The following FHIP1A variants were observed in gnomAD, a reference collection of about 807,000 sequenced individuals.
The protein encoded by FHIP1A is FHF complex subunit HOOK interacting protein 1A.
FHIP1A carries 61 observed loss-of-function variants against 88.6 expected under a neutral mutation model. The ratio of observed to expected loss-of-function variants is 0.69; its 90% CI spans 0.56 to 0.85. FHIP1A has a LOEUF of 0.85. Among genes scored for constraint, FHIP1A ranks in the 40% least tolerant of loss-of-function variants. FHIP1A has a pLI of 0.00. For missense variants in FHIP1A, 1,154 were observed against 1,273.5 expected (o/e 0.91, Z 1.43); for synonymous variants, 478 against 496.0 (o/e 0.96, Z 0.48).
At chr4:151,460,932 G>T (rs1729125027) in intron 2 of FHIP1A, among the ~76,000 whole-genome samples, 1 of 152,162 alleles carries the variant, frequency 6.6e-6, no homozygotes, top group Non-Finnish European at 1.5e-5. Context: ...GTATGGCAAT[G>T]GATATGAAGT....
intron 1 of FHIP1A, among the ~76,000 whole-genome samples, chr4:151,412,762 G>T (rs552756976): frequency 1.4e-5 from 2 of 145,302 alleles, no homozygotes; most frequent in Non-Finnish European, 1.5e-5. Context: ...TCAGCTCACC[G>T]CAACCTCTGC....
rs1022489718 is a variant in FHIP1A at position 151,668,412 on chromosome 4, C to T, written c.*5658C>T. Reference sequence around the variant, plus strand: ...GGAGGGTGTGTACTTTCCGAAACTTCGAGGCCATCTTAGTAATTATTTTAG... The same window carrying T: ...GGAGGGTGTGTACTTTCCGAAACTTTGAGGCCATCTTAGTAATTATTTTAG... On this transcript the variant is annotated 3_prime_UTR_variant, in exon 14 of 14. Transcript: ENST00000435205. Among the ~76,000 whole-genome samples, 6 of 152,164 alleles carry T rather than the reference C, an allele frequency of 3.9e-5. No homozygotes were observed. Among genetic ancestry groups the T allele is most frequent in the Non-Finnish European group, 8.8e-5 (6 of 68,034 alleles).
chr4:151,649,514 G>A lies in FHIP1A; in HGVS notation c.1473G>A (p.Glu491=). 6.4e-7 allele frequency: 1 copy of A among 1,551,706 alleles called. No individual in the cohort carries two copies. Among genetic ancestry groups the A allele is most frequent in the South Asian group, 1.2e-5 (1 of 84,054 alleles). The part of the protein sequence containing the change: ...EAFSESACIV[E]YGKALDISYL... ...TCTCCGAGTCAGCCTGCATTGTGGA[G>A]TATGGGAAAGCCCTGGACATCAGCT... The change falls in exon 11 of 14, where the codon GAG becomes GAA. Residue 491 remains glutamate (E), a synonymous_variant. Transcript: ENST00000435205.
chr4:151,545,501 C>T (rs915971334), intron 3 of FHIP1A, among the ~76,000 whole-genome samples: 2 of 151,348 alleles, frequency 1.3e-5, no homozygotes, highest in Admixed American at 6.6e-5. Context: ...CCTCAGCCTC[C>T]CGAGTAGCTG....
intron 11 of FHIP1A, among the ~76,000 whole-genome samples, chr4:151,650,932 C>T (rs1318663772): frequency 6.6e-6 from 1 of 152,148 alleles, no homozygotes; most frequent in Non-Finnish European, 1.5e-5. Context: ...TTATTTTTCT[C>T]CTTAGCACTT....
chr4:151,475,205 G>A (rs1207483236), intron 2 of FHIP1A, among the ~76,000 whole-genome samples: 1 of 152,122 alleles, frequency 6.6e-6, no homozygotes. Context: ...CATGTGCCAG[G>A]CCTGCTCTTG....
intron 3 of FHIP1A, among the ~76,000 whole-genome samples, chr4:151,533,320 C>CG (rs1560753021): frequency 6.6e-6 from 1 of 151,852 alleles, no homozygotes; most frequent in African/African-American, 2.4e-5. Flanking sequence ...GGCACCTAGG[C>CG]GGGAGGATTG....
intron 3 of FHIP1A, among the ~76,000 whole-genome samples, chr4:151,504,124 G>A (rs1730744413): frequency 1.3e-5 from 2 of 152,156 alleles, no homozygotes; most frequent in Non-Finnish European, 1.5e-5. Flanking sequence ...CTTTAGTCTG[G>A]TGATTCTCCT....
At chr4:151,573,691 C>T (rs1010164268) in intron 4 of FHIP1A, among the ~76,000 whole-genome samples, 6 of 151,894 alleles carry the variant, frequency 4.0e-5, no homozygotes, top group East Asian at 3.9e-4. Context: ...TAGACCAGGC[C>T]GGGGGAGCCA....
intron 11 of FHIP1A, among the ~76,000 whole-genome samples, 185 bp downstream of exon 11, chr4:151,650,777 C>T (rs1162645462): frequency 6.6e-6 from 1 of 152,080 alleles, no homozygotes; most frequent in Non-Finnish European, 1.5e-5. Flanking sequence ...TAATGATTAT[C>T]TTATTTATTT....
chr4:151,621,584 G>A (rs1456615972), intron 7 of FHIP1A, among the ~76,000 whole-genome samples: 1 of 150,918 alleles, frequency 6.6e-6, no homozygotes, highest in Non-Finnish European at 1.5e-5. Context: ...GGAGGAGTTG[G>A]GGGGGTTGCG....
intron 11 of FHIP1A, among the ~76,000 whole-genome samples, chr4:151,654,324 C>T (rs547930614): frequency 1.3e-5 from 2 of 151,960 alleles, no homozygotes; most frequent in Admixed American, 1.3e-4. Flanking sequence ...CTCATGTGCC[C>T]CCCCACCTCA....
chr4:151,655,196 G>A (rs1737186656), intron 11 of FHIP1A, among the ~76,000 whole-genome samples: 1 of 152,214 alleles, frequency 6.6e-6, no homozygotes, highest in Admixed American at 6.5e-5. Flanking sequence ...TTGTAAACAT[G>A]CCATGGTTTA....
At chr4:151,572,622 A>G (rs968229851) in intron 4 of FHIP1A, among the ~76,000 whole-genome samples, 2 of 152,250 alleles carry the variant, frequency 1.3e-5, no homozygotes, top group African/African-American at 4.8e-5. Context: ...ATTTGGCTTT[A>G]GATGGCTAAA....
chr4:151,530,536 C>T (rs1731834838), intron 3 of FHIP1A, among the ~76,000 whole-genome samples: 2 of 152,146 alleles, frequency 1.3e-5, no homozygotes, highest in Non-Finnish European at 2.9e-5. Flanking sequence ...TTTTCTGTAA[C>T]CTGTTTAGGG....
chr4:151,589,197 G>C (rs1560786068), intron 7 of FHIP1A, among the ~76,000 whole-genome samples: 1 of 152,168 alleles, frequency 6.6e-6, no homozygotes, highest in Non-Finnish European at 1.5e-5. Context: ...GACTCTGCCT[G>C]TTTCACTTCG....
At chr4:151,468,284 CAAAAAAAAAAA>C (rs921242622) in intron 2 of FHIP1A, among the ~76,000 whole-genome samples, 4 of 38,322 alleles carry the variant, frequency 1.0e-4, no homozygotes, top group African/African-American at 3.8e-4. Flanking sequence ...GACTCCATCT[CAAAAAAAAAAA>C]AAAAAAAAAA....
At chr4:151,438,903 G>T (rs565268756) in intron 1 of FHIP1A, among the ~76,000 whole-genome samples, 1 of 151,838 alleles carries the variant, frequency 6.6e-6, no homozygotes, top group African/African-American at 2.4e-5. Context: ...CTCAGCCTCC[G>T]GAATTTTGTT....
At chr4:151,622,865 G>T (rs1172913931) in intron 7 of FHIP1A, among the ~76,000 whole-genome samples, 1 of 151,950 alleles carries the variant, frequency 6.6e-6, no homozygotes, top group African/African-American at 2.4e-5. Flanking sequence ...GGTTATTTGG[G>T]TATTCAATAG....
Sources: gnomAD v4.1 joint callset for allele counts (sites outside exome capture counted in the v4.1 genomes callset) on GRCh38, gnomAD v4.1.1 for gene constraint, MANE v1.5 for transcripts, NCBI Gene and HGNC (gene_info 2026-07-23, HGNC 2026-07-21) for gene names.